Variants in PANK4 observed in about 807,000 individuals in gnomAD.
PANK4 encodes 4'-phosphopantetheine phosphatase.
A neutral mutation model predicts 87.9 loss-of-function variants in PANK4; 40 were observed. The observed-to-expected ratio is 0.46, with a 90% CI of 0.35 to 0.59. PANK4 has a LOEUF of 0.59. Ranked by LOEUF, PANK4 falls within the 20% of genes least tolerant of loss-of-function variation. The pLI, the probability that PANK4 is intolerant of heterozygous loss-of-function variation, is 0.00. For missense variants in PANK4, 926 were observed against 1,072.3 expected (o/e 0.86, Z 1.90); for synonymous variants, 524 against 467.4 (o/e 1.12, Z -1.56).
intron 11 of PANK4, 104 bp downstream of exon 11, chr1:2,514,250 C>A: frequency 8.7e-7 from 1 of 1,145,708 alleles, no homozygotes; most frequent in Middle Eastern, 2.4e-4. Context: ...ACACCCACCC[C>A]CAGCGAGCTG....
intron 2 of PANK4, 146 bp downstream of exon 2, chr1:2,521,572 G>T: frequency 1.3e-6 from 1 of 780,184 alleles, no homozygotes; most frequent in Non-Finnish European, 2.3e-6. Context: ...CACGGCGGAA[G>T]GCAGGGGAGG....
Position 2,520,075 on chromosome 1 carries a change from G to T in PANK4, c.700-121C>A. On this transcript the variant is annotated intron_variant, in intron 5 of 18. Coordinates refer to ENST00000378466, the MANE Select transcript of PANK4 (RefSeq NM_018216.4). The surrounding 1 kb of genome is among the most constrained non-coding windows in gnomAD (Gnocchi z 6.2). Reference sequence around the variant, plus strand: ...CAGGGGGTAAATGGGCCCTCATCGCGTGGGACCAAAGGCAGGAGGCGGCAA... The same window carrying T: ...CAGGGGGTAAATGGGCCCTCATCGCTTGGGACCAAAGGCAGGAGGCGGCAA... 1.0e-6 allele frequency: 1 copy of T among 1,001,968 alleles called. No homozygotes were observed. The allele number at this position is 1,001,968 out of a possible 1,614,324, so 62.1% of individuals were successfully genotyped here.
At position 2,519,050 on chromosome 1, in the gene PANK4, C is replaced by T. The variant is rs1270137409; in HGVS notation, c.1035+93G>A. On this transcript the variant is annotated intron_variant, in intron 7 of 18. Transcript: ENST00000378466. The surrounding 1 kb of genome is among the most constrained non-coding windows in gnomAD (Gnocchi z 8.3). ...TCTTGGCCCCCACCCTCCAGGCCTC[C>T]CTGGGGGTGCTGCGGTGTCTAACCA... The T allele has an allele frequency of 8.1e-7, 1 of 1,236,478 alleles. No homozygotes were observed. The highest frequency in any genetic ancestry group is 1.1e-6 in the Non-Finnish European group (1 of 870,940). 76.6% of individuals were successfully genotyped at this position (1,236,478 alleles called of 1,614,324 possible).
rs1429555846 is a variant in PANK4, at chr1:2,520,240, C to A, written c.699+82G>T. 1 of 1,334,590 alleles carries A rather than the reference C, an allele frequency of 7.5e-7. No individual in the cohort carries two copies. The allele number at this position is 1,334,590 out of a possible 1,614,324, so 82.7% of individuals were successfully genotyped here. A position where few individuals can be genotyped will look rare whatever the true frequency, so the allele number is the denominator to read the frequency against. ...GAGGGAGGCCCGGAAGCAGCTTTTGCACCGCCCAGCTGCAGGCCTTCGGGG... is the reference window on the plus strand; with the variant it reads ...GAGGGAGGCCCGGAAGCAGCTTTTGAACCGCCCAGCTGCAGGCCTTCGGGG... On this transcript the variant is annotated intron_variant, in intron 5 of 18. Coordinates refer to ENST00000378466, the MANE Select transcript of PANK4 (RefSeq NM_018216.4). This position sits in a 1 kb window ranked among gnomAD's most constrained non-coding sequence, Gnocchi z 6.2.
chr1:2,521,349 T>G, intron 2 of PANK4, 34 bp from the exon 3 acceptor site: 1 of 1,531,430 alleles, frequency 6.5e-7, no homozygotes, highest in Non-Finnish European at 9.0e-7. Flanking sequence ...CGCATGTGTG[T>G]GGGACACCGC....
rs2100779664 is a variant in PANK4 at position 2,515,770 on chromosome 1, C to T, written c.1219-53G>A. ...AACGTCACCATGGTTCAGAACGACC[C>T]AAGCCACACTCAGAAGCTTCCACTC... On this transcript the variant is annotated intron_variant, in intron 9 of 18. Transcript: ENST00000378466. The surrounding 1 kb of genome is among the most constrained non-coding windows in gnomAD (Gnocchi z 5.0). 6.6e-7 allele frequency: 1 copy of T among 1,525,230 alleles called. No homozygotes were observed. The highest frequency in any genetic ancestry group is 9.0e-7 in the Non-Finnish European group (1 of 1,115,168). 94.5% of individuals were successfully genotyped at this position (1,525,230 alleles called of 1,614,324 possible).
rs764140827 is a variant in PANK4 at position 2,508,960 on chromosome 1, C to T, written c.2209G>A (p.Ala737Thr). 5 of 1,610,350 alleles carry T rather than the reference C, an allele frequency of 3.1e-6. No homozygotes were observed. Among genetic ancestry groups the T allele is most frequent in the Non-Finnish European group, 4.2e-6 (5 of 1,179,292 alleles). The change falls in exon 19 of 19, where the codon GCC (alanine) becomes ACC (threonine). Residue 737 changes from alanine (A) to threonine (T), a missense_variant. Ala to Thr is a moderately conservative substitution (Grantham distance 58). Transcript: ENST00000378466. The surrounding 1 kb of genome is among the most constrained non-coding windows in gnomAD (Gnocchi z 5.1). Reference protein sequence around the residue: ...GRAVHTNYHAALRCESLKLAV... With the variant: ...GRAVHTNYHATLRCESLKLAV... The stretch of plus-strand genomic sequence containing the variant: ...AGCTTGAGGCTCTCGCAGCGCAGGG[C>T]TGCGTGGTAGTTTGTGTGGACAGCA...
In PANK4 at chr1:2,520,193, G is replaced by C. The variant is rs1570546425; in HGVS notation, c.699+129C>G. 3 of 884,074 alleles carry C rather than the reference G, an allele frequency of 3.4e-6. No individual in the cohort carries two copies. The East Asian group carries it at 7.7e-5, about 23-fold the overall frequency. 54.8% of individuals were successfully genotyped at this position (884,074 alleles called of 1,614,324 possible). ...GCAAAGAGTGAAGCCGCAGAGGCCA[G>C]AGACCCACTGACGCGAGTCAGGAGG... On this transcript the variant is annotated intron_variant, in intron 5 of 18. Transcript: ENST00000378466. This position sits in a 1 kb window ranked among gnomAD's most constrained non-coding sequence, Gnocchi z 6.2.
chr1:2,523,866 C>G (rs1234385566), intron 1 of PANK4, among the ~76,000 whole-genome samples: 2 of 152,238 alleles, frequency 1.3e-5, no homozygotes, highest in African/African-American at 4.8e-5. Context: ...CCTGGCGGCT[C>G]TCCGGGCTGC....
In PANK4 at chr1:2,511,366, G is replaced by A; in HGVS notation, c.1805C>T (p.Ser602Phe). ...KLQERPWLVDSYSEWLQRLKG... is the reference protein window; with the variant it reads ...KLQERPWLVDFYSEWLQRLKG... ...TAATCTCTGAAGCCACTCGCTGTAGGAATCCACGAGCCAGGGTCTTTCTGA... is the reference window on the plus strand; with the variant it reads ...TAATCTCTGAAGCCACTCGCTGTAGAAATCCACGAGCCAGGGTCTTTCTGA... Residue 602 changes from serine to phenylalanine, a missense_variant, in exon 15 of 19, where the codon TCC becomes TTC. Transcript: ENST00000378466. 1 of 1,610,902 alleles carries A rather than the reference G, an allele frequency of 6.2e-7. No homozygotes were observed. Among genetic ancestry groups the A allele is most frequent in the Non-Finnish European group, 8.5e-7 (1 of 1,178,084 alleles).
chr1:2,512,707 GCCCTGCCCAGC>G (rs1643683520), intron 13 of PANK4, 170 bp downstream of exon 13: 1 of 638,272 alleles, frequency 1.6e-6, no homozygotes, highest in Admixed American at 2.8e-5. Context: ...AGGGCGCTGC[GCCCTGCCCAGC>G]CCCTGGCGCT....
rs543176307 is a variant in PANK4 at position 2,518,783 on chromosome 1, A to C, written c.1036-186T>G. Among the ~76,000 whole-genome samples the C allele has an allele frequency of 4.6e-5, 7 of 152,350 alleles. No individual in the cohort carries two copies. The South Asian group carries it at 1.4e-3, about 32-fold the overall frequency. On this transcript the variant is annotated intron_variant, in intron 7 of 18. Coordinates refer to ENST00000378466, the MANE Select transcript of PANK4 (RefSeq NM_018216.4). ...CCAGAGGGCGGGCTGCTGTTTGAAG[A>C]AAGCTAAGGGTGAGATAGCTTCTCC...
In PANK4 at chr1:2,510,883, T is replaced by C; in HGVS notation, c.1834-101A>G. The C allele has an allele frequency of 1.3e-6, 1 of 743,822 alleles. No homozygotes were observed. Among genetic ancestry groups the C allele is most frequent in the South Asian group, 1.5e-5 (1 of 66,072 alleles). 46.1% of individuals were successfully genotyped at this position (743,822 alleles called of 1,614,324 possible). A position where few individuals can be genotyped will look rare whatever the true frequency, so the allele number is the denominator to read the frequency against. On this transcript the variant is annotated intron_variant, in intron 15 of 18. Transcript: ENST00000378466. The surrounding 1 kb of genome is among the most constrained non-coding windows in gnomAD (Gnocchi z 4.9). ...CACGCTGCCCTGCAGGGGCCGAGAC[T>C]GGGGGCTTCAGGGCCCCAGAGATGC...
Position 2,515,637 on chromosome 1 carries a change from G to A in PANK4, c.1299C>T (p.Pro433=), listed in dbSNP as rs137979557. The A allele has an allele frequency of 4.9e-4, 791 of 1,613,204 alleles. 1 individual carries two copies. Among genetic ancestry groups the A allele is most frequent in the South Asian group, 8.3e-4 (76 of 91,082 alleles). The change falls in exon 10 of 19, where the codon CCC becomes CCT. Residue 433 remains proline (P), a synonymous_variant. Coordinates refer to ENST00000378466, the MANE Select transcript of PANK4 (RefSeq NM_018216.4). This position sits in a 1 kb window ranked among gnomAD's most constrained non-coding sequence, Gnocchi z 5.0. ...CGTCATCGGTGAGGTCCACCGTGTC[G>A]GGCACGTAGGAGGGCGGGTCCAGGA... is the stretch of plus-strand genomic sequence containing the variant. The part of the protein sequence containing the change: ...PLLLDPPSYV[P]DTVDLTDDAL...
rs564909881 is a variant in PANK4, at chr1:2,515,765, C to T, written c.1219-48G>A. 3.3e-5 allele frequency: 52 copies of T among 1,553,420 alleles called. 2 individuals are homozygous for T. In the South Asian group the frequency reaches 5.4e-4, roughly 16 times the overall value. ...GTGGAAACGTCACCATGGTTCAGAA[C>T]GACCCAAGCCACACTCAGAAGCTTC... On this transcript the variant is annotated intron_variant, in intron 9 of 18. Transcript: ENST00000378466. This position sits in a 1 kb window ranked among gnomAD's most constrained non-coding sequence, Gnocchi z 5.0.
At chr1:2,513,372 C>T (rs1010068791) in intron 12 of PANK4, among the ~76,000 whole-genome samples, 4 of 152,232 alleles carry the variant, frequency 2.6e-5, no homozygotes, top group East Asian at 1.9e-4. Flanking sequence ...TCACAAGGCT[C>T]GGCGTGTGAG....
rs745718816 is a variant in PANK4 at position 2,509,574 on chromosome 1, C to T, written c.2108+288G>A. ...ACAGACACCGGGCAGCTGCCCAGGTCGCCCTCGGTCTCAGCTGAGTGGCCA... is the reference window on the plus strand; with the variant it reads ...ACAGACACCGGGCAGCTGCCCAGGTTGCCCTCGGTCTCAGCTGAGTGGCCA... On this transcript the variant is annotated intron_variant, in intron 18 of 18. Coordinates refer to ENST00000378466, the MANE Select transcript of PANK4 (RefSeq NM_018216.4). The surrounding 1 kb of genome is among the most constrained non-coding windows in gnomAD (Gnocchi z 4.9). 2.6e-5 allele frequency among the ~76,000 whole-genome samples: 4 copies of T among 152,320 alleles called. No homozygotes were observed. Among genetic ancestry groups the T allele is most frequent in the Admixed American group, 6.5e-5 (1 of 15,306 alleles).
Position 2,519,060 on chromosome 1 carries a change from CT to C in PANK4, c.1035+82del, listed in dbSNP as rs1643837286. 7.6e-7 allele frequency: 1 copy of C among 1,308,422 alleles called. No individual in the cohort carries two copies. Among genetic ancestry groups the C allele is most frequent in the African/African-American group, 1.5e-5 (1 of 68,382 alleles). 81.1% of individuals were successfully genotyped at this position (1,308,422 alleles called of 1,614,324 possible). ...CACCCTCCAGGCCTCCCTGGGGGTGCTGCGGTGTCTAACCAGCATGACTGAT... is the reference window on the plus strand; with the variant it reads ...CACCCTCCAGGCCTCCCTGGGGGTGCGCGGTGTCTAACCAGCATGACTGAT... On this transcript the variant is annotated intron_variant, in intron 7 of 18. Coordinates refer to ENST00000378466, the MANE Select transcript of PANK4 (RefSeq NM_018216.4). The surrounding 1 kb of genome is among the most constrained non-coding windows in gnomAD (Gnocchi z 8.3).
rs1276378086 is a variant in PANK4 at position 2,520,746 on chromosome 1, C to T, written c.583G>A (p.Gly195Ser). The change falls in exon 4 of 19, where the codon GGC (glycine) becomes AGC (serine). Residue 195 changes from glycine to serine, a missense_variant. By Grantham distance (56) the Gly-to-Ser change is moderately conservative. Transcript: ENST00000378466. The surrounding 1 kb of genome is among the most constrained non-coding windows in gnomAD (Gnocchi z 6.2). ...ACCTTCACGATGGAGACTCCAGAGC[C>T]GATATTGACAAGAAGATAGGGGAAA... ...HIFPYLLVNIGSGVSIVKVET... is the reference protein window; with the variant it reads ...HIFPYLLVNISSGVSIVKVET... 3.1e-6 allele frequency: 5 copies of T among 1,613,310 alleles called. No homozygotes were observed. Among genetic ancestry groups the T allele is most frequent in the Non-Finnish European group, 4.2e-6 (5 of 1,179,820 alleles).
Sources: allele counts gnomAD v4.1 joint callset (sites outside exome capture counted in the v4.1 genomes callset), GRCh38; gene constraint gnomAD v4.1.1; non-coding constraint Gnocchi (gnomAD v3.1); transcripts MANE v1.5; gene names NCBI Gene and HGNC (gene_info 2026-07-23, HGNC 2026-07-21).